PHEX: variants seen among roughly 807,000 people sequenced by gnomAD.
PHEX encodes the protein phosphate-regulating neutral endopeptidase PHEX.
In PHEX, 16 loss-of-function variants were observed where a neutral mutation model predicts 68.0. That is an observed-to-expected ratio of 0.24 (90% CI 0.16 to 0.36). The LOEUF is 0.36. Among genes scored for constraint, PHEX ranks in the 10% least tolerant of loss-of-function variants. PHEX has a pLI of 1.00. For missense variants in PHEX, 480 were observed against 575.5 expected (o/e 0.83, Z 1.70); for synonymous variants, 208 against 205.1 (o/e 1.01, Z -0.12).
At chrX:22,106,076 GT>G in intron 9 of PHEX, among the ~76,000 whole-genome samples, 1 of 110,293 alleles carries the variant, frequency 9.1e-6, no homozygotes, top group Middle Eastern at 4.7e-3. Context: ...CTGAAAATGT[GT>G]TTTTTTGGGA....
Position 22,102,800 on chromosome X carries a change from G to C in PHEX, c.1079+3649G>C, listed in dbSNP as rs776650147. ...CAGGATATGTAGAGGAAAAGCATCA[G>C]ATGAATGTTCTGAGGATCCCCCCAC... On this transcript the variant is annotated intron_variant, in intron 9 of 21. Coordinates refer to ENST00000379374, the MANE Select transcript of PHEX (RefSeq NM_000444.6). 1.7e-4 allele frequency among the ~76,000 whole-genome samples: 19 copies of C among 112,448 alleles called. 1 individual carries two copies. The South Asian group carries it at 6.3e-3, about 37-fold the overall frequency.
At chrX:22,036,052 ATAT>A (rs1335044385) in intron 1 of PHEX, among the ~76,000 whole-genome samples, 4 of 58,397 alleles carry the variant, frequency 6.8e-5, no homozygotes, top group African/African-American at 3.3e-4. Context: ...ATATATATAT[ATAT>A]TTTTTTTTTT....
In PHEX at chrX:22,152,871, C is replaced by T. The variant is rs959334758; in HGVS notation, c.1405-15441C>T. 1.8e-5 allele frequency among the ~76,000 whole-genome samples: 2 copies of T among 111,448 alleles called. 1 individual carries two copies. The highest frequency in any genetic ancestry group is 3.8e-5 in the Non-Finnish European group (2 of 53,172). Reference sequence around the variant, plus strand: ...ATACTTAGTATTTGTGCACTTTGTACGATATAGTGCAGTAAAAATTTTAAA... The same window carrying T: ...ATACTTAGTATTTGTGCACTTTGTATGATATAGTGCAGTAAAAATTTTAAA... On this transcript the variant is annotated intron_variant, in intron 12 of 21. Transcript: ENST00000379374.
chrX:22,249,455 A>AAAAAAAAAT lies in PHEX; in HGVS notation c.*1503_*1504insAAAAAAATA. The AAAAAAAAAT allele has an allele frequency of 1.0e-4, 4 of 39,758 alleles. No individual in the cohort carries two copies. Among genetic ancestry groups the AAAAAAAAAT allele is most frequent in the African/African-American group, 6.6e-4 (4 of 6,017 alleles). The allele number at this position is 39,758 out of a possible 1,213,427, so 3.3% of individuals were successfully genotyped here. A position where few individuals can be genotyped will look rare whatever the true frequency, so the allele number is the denominator to read the frequency against. ...TTGTGATTCTTTTAAAAAAAAAAAA[A>AAAAAAAAAT]ATATATATATATATATATATATATA... On this transcript the variant is annotated 3_prime_UTR_variant, in exon 22 of 22. Coordinates refer to ENST00000379374, the MANE Select transcript of PHEX (RefSeq NM_000444.6).
At chrX:22,067,581 G>T (rs994090714) in intron 3 of PHEX, among the ~76,000 whole-genome samples, 1 of 111,474 alleles carries the variant, frequency 9.0e-6, no homozygotes, top group Non-Finnish European at 1.9e-5. Flanking sequence ...TTTGATTTGA[G>T]GTAGGGTAGG....
intron 5 of PHEX, among the ~76,000 whole-genome samples, chrX:22,089,417 G>T (rs202119442): frequency 7.3e-4 from 71 of 96,626 alleles, no homozygotes; most frequent in African/African-American, 2.1e-3. Flanking sequence ...TTTTTTTTTT[G>T]TTTTTTTTGT....
chrX:22,189,271 T>G (rs1401925152), intron 14 of PHEX, among the ~76,000 whole-genome samples: 3 of 112,562 alleles, frequency 2.7e-5, no homozygotes, highest in Non-Finnish European at 5.6e-5. Context: ...ATTATTTTCT[T>G]TCCTTTGAGT....
intron 9 of PHEX, among the ~76,000 whole-genome samples, chrX:22,103,970 A>T (rs1215894523): frequency 9.0e-6 from 1 of 111,105 alleles, no homozygotes; most frequent in Non-Finnish European, 1.9e-5. Flanking sequence ...AACATCTGTT[A>T]TTTTTTTGAT....
At chrX:22,041,136 G>T (rs7878733) in intron 2 of PHEX, among the ~76,000 whole-genome samples, 1 of 108,064 alleles carries the variant, frequency 9.3e-6, no homozygotes, top group Non-Finnish European at 1.9e-5. Context: ...TATTGAGATG[G>T]GAAACACTTA....
rs775385426 is a variant in PHEX at position 22,065,704 on chromosome X, G to A, written c.350-10684G>A. Among the ~76,000 whole-genome samples the A allele has an allele frequency of 1.2e-4, 14 of 112,008 alleles. No individual in the cohort carries two copies. The East Asian group carries it at 3.1e-3, about 25-fold the overall frequency. ...CTCCCAAATTGCTGGGATTACAGAC[G>A]TGAGCCACCGCGCCCGGCCGGCCCA... On this transcript the variant is annotated intron_variant, in intron 3 of 21. Transcript: ENST00000379374.
At chrX:22,160,941 C>T (rs1454366535) in intron 12 of PHEX, among the ~76,000 whole-genome samples, 2 of 110,031 alleles carry the variant, frequency 1.8e-5, no homozygotes, top group East Asian at 5.7e-4. Flanking sequence ...CGAGACCAGC[C>T]TGGCCAACAT....
At chrX:22,239,748 A>G (rs767483074) in intron 20 of PHEX, among the ~76,000 whole-genome samples, 4 of 111,655 alleles carry the variant, frequency 3.6e-5, no homozygotes, top group African/African-American at 1.3e-4. Context: ...CTGTGAAAAG[A>G]CCAAATCTAC....
chrX:22,113,943 C>CTTTTTT (rs746349559), intron 10 of PHEX, among the ~76,000 whole-genome samples: 17 of 63,964 alleles, frequency 2.7e-4, no homozygotes, highest in East Asian at 1.0e-3. Flanking sequence ...TCTTCTTCTT[C>CTTTTTT]TTTTTTTTTT....
chrX:22,217,281 A>G (rs192681100), intron 16 of PHEX, among the ~76,000 whole-genome samples: 313 of 112,740 alleles, frequency 2.8e-3, no homozygotes, highest in African/African-American at 9.2e-3. Flanking sequence ...TCTATGATTG[A>G]AATGAATAAT....
rs534231934 is a variant in PHEX, at chrX:22,118,154, G to A, written c.1302+3568G>A. Among the ~76,000 whole-genome samples, 15 of 108,463 alleles carry A rather than the reference G, an allele frequency of 1.4e-4. No homozygotes were observed. In the South Asian group the frequency reaches 1.6e-3, roughly 12 times the overall value. 94.2% of individuals were successfully genotyped at this position (108,463 alleles called of 115,157 possible). A position where few individuals can be genotyped will look rare whatever the true frequency, so the allele number is the denominator to read the frequency against. ...TTACATGTGTACATAAATCACGTGA[G>A]CATCTGCTTGTTAAAAATGCAGATT... On this transcript the variant is annotated intron_variant, in intron 11 of 21. Transcript: ENST00000379374.
At chrX:22,229,563 T>A (rs146265030) in intron 20 of PHEX, among the ~76,000 whole-genome samples, 3,835 of 112,514 alleles carry the variant, frequency 0.034, 158 homozygotes, top group African/African-American at 0.12. Context: ...TGTCTGTTCG[T>A]AGCCTTTGCC....
At chrX:22,060,228 T>C (rs989294994) in intron 3 of PHEX, among the ~76,000 whole-genome samples, 24 of 108,120 alleles carry the variant, frequency 2.2e-4, no homozygotes, top group South Asian at 3.9e-4. Context: ...TGATTGGAAA[T>C]AGTAATACAC....
In PHEX at chrX:22,234,692, T is replaced by G. The variant is rs192983427; in HGVS notation, c.2070+7081T>G. Among the ~76,000 whole-genome samples, 375 of 110,149 alleles carry G rather than the reference T, an allele frequency of 3.4e-3. 3 individuals carry two copies. Among genetic ancestry groups the G allele is most frequent in the African/African-American group, 0.012 (362 of 30,281 alleles). Reference sequence around the variant, plus strand: ...GCGAGAATTTCAAGCCAGTGGATCTTAGCTTGCTGGGCTCTGTGGGGGTAG... The same window carrying G: ...GCGAGAATTTCAAGCCAGTGGATCTGAGCTTGCTGGGCTCTGTGGGGGTAG... On this transcript the variant is annotated intron_variant, in intron 20 of 21. Coordinates refer to ENST00000379374, the MANE Select transcript of PHEX (RefSeq NM_000444.6).
In PHEX at chrX:22,096,985, G is replaced by A. The variant is rs747696209; in HGVS notation, c.880G>A (p.Glu294Lys). The A allele has an allele frequency of 4.2e-6, 5 of 1,203,945 alleles. No individual in the cohort carries two copies. The highest frequency in any genetic ancestry group is 4.4e-5 in the Admixed American group (2 of 45,709). ...IMIPHENRTS[E>K]AMYNKMNISE... ...GATTCCACATGAAAACCGAACCAGC[G>A]AGGCCATGTACAACAAAATGAACAT... Residue 294 changes from glutamate (E) to lysine (K), a missense_variant, in exon 8 of 22, where the codon GAG (glutamate) becomes AAG (lysine). Physicochemically the swap from Glu to Lys is moderately conservative, Grantham distance 56. Transcript: ENST00000379374.
Sources: allele counts gnomAD v4.1 joint callset (sites outside exome capture counted in the v4.1 genomes callset), GRCh38; gene constraint gnomAD v4.1.1; transcripts MANE v1.5; gene names NCBI Gene and HGNC (gene_info 2026-07-23, HGNC 2026-07-21).